Variants in PRELID2 observed in about 807,000 individuals in gnomAD.
PRELID2 encodes PRELI domain containing 2.
A neutral mutation model predicts 28.4 loss-of-function variants in PRELID2; 25 were observed. The observed-to-expected ratio is 0.88, with a 90% confidence interval of 0.64 to 1.23. PRELID2 has a LOEUF of 1.23. Ranked by LOEUF, PRELID2 falls within the 50% of genes most tolerant of loss-of-function variation. PRELID2 has a pLI of 0.00. For synonymous variants in PRELID2, 76 were observed against 71.6 expected (o/e 1.06, Z -0.31); for missense variants, 201 against 214.4 (o/e 0.94, Z 0.39).
At chr5:145,412,852 G>T in the PRELID2 span, among the ~76,000 whole-genome samples, 1 of 152,138 alleles carries the variant, frequency 6.6e-6, no homozygotes, top group Admixed American at 6.6e-5. Context: ...ATGGCGGAAG[G>T]CACGTCTTCA....
chr5:145,398,761 A>C, the PRELID2 span, among the ~76,000 whole-genome samples: 1 of 152,220 alleles, frequency 6.6e-6, no homozygotes, highest in Non-Finnish European at 1.5e-5. Context: ...CATTTCAGAG[A>C]ATGACGAAAC....
At chr5:145,288,971 C>T in the PRELID2 span, among the ~76,000 whole-genome samples, 4 of 152,124 alleles carry the variant, frequency 2.6e-5, no homozygotes, top group Non-Finnish European at 4.4e-5. Flanking sequence ...AATTACAGTG[C>T]TTTTGTGGTA....
chr5:145,529,640 G>A (rs548989692), intron 1 of PRELID2, among the ~76,000 whole-genome samples: 2 of 152,114 alleles, frequency 1.3e-5, no homozygotes, highest in Admixed American at 6.6e-5. Flanking sequence ...GGAAACAGCT[G>A]TGAACAAGAC....
chr5:145,417,063 T>C, the PRELID2 span, among the ~76,000 whole-genome samples: 3 of 151,860 alleles, frequency 2.0e-5, no homozygotes, highest in Admixed American at 2.0e-4. Flanking sequence ...TCAGAAATGA[T>C]AAGGGAGATA....
chr5:145,612,884 T>C (rs1442110047), intron 1 of PRELID2, among the ~76,000 whole-genome samples: 11 of 152,218 alleles, frequency 7.2e-5, no homozygotes, highest in Non-Finnish European at 1.6e-4. Flanking sequence ...GTTGGTTCCA[T>C]GATTTTACAA....
At chr5:145,363,059 C>CA in the PRELID2 span, among the ~76,000 whole-genome samples, 2,870 of 60,416 alleles carry the variant, frequency 0.048, 58 homozygotes, top group African/African-American at 0.12. Flanking sequence ...ATTAGTTTTT[C>CA]AAAAAAAAAA....
intron 1 of PRELID2, among the ~76,000 whole-genome samples, chr5:145,524,486 G>T (rs995328004): frequency 6.6e-6 from 1 of 152,214 alleles, no homozygotes; most frequent in Non-Finnish European, 1.5e-5. Context: ...CGAGATTTGA[G>T]AAACAGTAGA....
At chr5:145,330,211 C>T in the PRELID2 span, among the ~76,000 whole-genome samples, 1 of 152,086 alleles carries the variant, frequency 6.6e-6, no homozygotes, top group Non-Finnish European at 1.5e-5. Flanking sequence ...TGATGTTCAT[C>T]AGGAATATTG....
In PRELID2 at chr5:145,520,973, C is replaced by T. The variant is rs148655707; in HGVS notation, n.71-47658G>A. Among the ~76,000 whole-genome samples, 434 of 152,186 alleles carry T rather than the reference C, an allele frequency of 2.9e-3. 1 individual carries two copies. Among genetic ancestry groups the T allele is most frequent in the African/African-American group, 9.8e-3 (408 of 41,524 alleles). On this transcript the variant is annotated intron_variant and non_coding_transcript_variant, in intron 1 of 2. Coordinates refer to the PRELID2 transcript ENST00000510259. ...CATTAACGTGTTCCCATTTGACAGG[C>T]AAAAGAGTCCCCCTCCCCACCCCGC... is the stretch of plus-strand genomic sequence containing the variant.
the PRELID2 span, among the ~76,000 whole-genome samples, chr5:145,323,191 A>AT: frequency 5.3e-5 from 8 of 152,066 alleles, no homozygotes; most frequent in African/African-American, 1.9e-4. Flanking sequence ...AAAAAAAAAA[A>AT]ATATGTGCAA....
the PRELID2 span, among the ~76,000 whole-genome samples, chr5:145,344,081 A>T: frequency 6.6e-6 from 1 of 152,108 alleles, no homozygotes; most frequent in African/African-American, 2.4e-5. Context: ...CAAACATACA[A>T]AGAAGAACTA....
the PRELID2 span, chr5:145,381,512 C>T: frequency 4.6e-5 from 7 of 152,068 alleles, no homozygotes; most frequent in Non-Finnish European, 7.4e-5. Context: ...GTGTGGATGA[C>T]ATTATATGAA....
chr5:145,820,001 T>A lies in PRELID2; in HGVS notation c.151A>T (p.Ile51Phe), dbSNP rs751885990. ...CAGATTGCAATCCTCTTTCTGTAGA[T>A]GACCCCTGTTGATTCATCTAAAAAA... ...EEKRDESTGV[I>F]YRKRIAICQN... Residue 51 changes from isoleucine (I) to phenylalanine (F), a missense_variant, in exon 3 of 7, where the codon ATC (isoleucine) becomes TTC (phenylalanine). Coordinates refer to ENST00000683046, the MANE Select transcript of PRELID2 (RefSeq NM_205846.3). The A allele has an allele frequency of 6.3e-7, 1 of 1,596,900 alleles. No homozygotes were observed. Among genetic ancestry groups the A allele is most frequent in the East Asian group, 2.2e-5 (1 of 44,688 alleles).
At chr5:145,712,090 G>A (rs1260525227) in intron 1 of PRELID2, among the ~76,000 whole-genome samples, 1 of 152,314 alleles carries the variant, frequency 6.6e-6, no homozygotes, top group East Asian at 1.9e-4. Context: ...CAACAGCAAA[G>A]CCCTGATACA....
At chr5:145,370,137 T>TGG in the PRELID2 span, among the ~76,000 whole-genome samples, 3 of 152,164 alleles carry the variant, frequency 2.0e-5, no homozygotes, top group Non-Finnish European at 4.4e-5. Flanking sequence ...AGATCCCATT[T>TGG]GTCAATTTTG....
rs768552727 is a variant in PRELID2, at chr5:145,817,965, G to A, written c.297C>T (p.Cys99=). Residue 99 remains cysteine (C), a synonymous_variant, in exon 4 of 7, where the codon TGC becomes TGT. Coordinates refer to ENST00000683046, the MANE Select transcript of PRELID2 (RefSeq NM_205846.3). The stretch of plus-strand genomic sequence containing the variant: ...TGGATGCATACTGTGTCCACGTAAG[G>A]CAGTGACTCCGTATGGCCATGTTTC... The part of the protein sequence containing the change: ...RERNMAIRSH[C]LTWTQYASMK... 11 of 1,607,942 alleles carry A rather than the reference G, an allele frequency of 6.8e-6. No individual in the cohort carries two copies. The South Asian group carries it at 1.2e-4, about 18-fold the overall frequency.
the PRELID2 span, among the ~76,000 whole-genome samples, chr5:145,423,268 T>C: frequency 2.0e-5 from 3 of 149,030 alleles, no homozygotes; most frequent in African/African-American, 7.4e-5. Flanking sequence ...ATTTCCTGAA[T>C]CTGAACGTTG....
At chr5:145,269,821 A>T in the PRELID2 span, among the ~76,000 whole-genome samples, 93 of 149,238 alleles carry the variant, frequency 6.2e-4, no homozygotes, top group African/African-American at 2.2e-3. Context: ...ATAAATAGAA[A>T]GATATGCCAC....
the PRELID2 span, among the ~76,000 whole-genome samples, chr5:145,414,264 C>A: frequency 2.0e-5 from 3 of 152,114 alleles, no homozygotes; most frequent in Middle Eastern, 3.2e-3. Context: ...TGAAATTGAA[C>A]TACTTGGCAG....
Sources: gnomAD v4.1 joint callset for allele counts (sites outside exome capture counted in the v4.1 genomes callset) on GRCh38, gnomAD v4.1.1 for gene constraint, MANE v1.5 for transcripts, NCBI Gene and HGNC (gene_info 2026-07-23, HGNC 2026-07-21) for gene names.